Variants in BTBD9 observed in about 807,000 individuals in gnomAD.
BTBD9 encodes the protein BTB domain containing 9.
BTBD9 carries 49 observed loss-of-function variants against 64.3 expected under a neutral mutation model. That is an observed-to-expected ratio of 0.76 (90% CI 0.61 to 0.97). The LOEUF (loss-of-function observed/expected upper bound fraction) is 0.97, where lower values mean the gene tolerates loss of function less well. Among genes scored for constraint, BTBD9 ranks in the 50% least tolerant of loss-of-function variants. The pLI is 0.00. For synonymous variants in BTBD9, 260 were observed against 274.7 expected, an observed-to-expected ratio of 0.95 and a Z score of 0.53; for missense variants, 598 against 762.1, an observed-to-expected ratio of 0.78 and a Z score of 2.53.
Position 38,592,559 on chromosome 6 carries a change from G to C in BTBD9, c.814+17C>G. 1 of 1,612,444 alleles carries C rather than the reference G, an allele frequency of 6.2e-7. No homozygotes were observed. Among genetic ancestry groups the C allele is most frequent in the Middle Eastern group, 1.7e-4 (1 of 6,048 alleles). Reference sequence around the variant, plus strand: ...TACCAAGCTTCTTGGTTGAGTTTAGGATAGACAGGTACTTACTGAGCATGC... The same window carrying C: ...TACCAAGCTTCTTGGTTGAGTTTAGCATAGACAGGTACTTACTGAGCATGC... On this transcript the variant is annotated intron_variant, in intron 4 of 10. Coordinates refer to ENST00000481247, the MANE Select transcript of BTBD9 (RefSeq NM_001099272.2).
chr6:38,597,100 TAA>T (rs1777065141), intron 2 of BTBD9, among the ~76,000 whole-genome samples: 1 of 152,100 alleles, frequency 6.6e-6, no homozygotes, highest in Non-Finnish European at 1.5e-5. Context: ...AGCTACAGAG[TAA>T]ATATTTCCAG....
At chr6:38,581,862 A>C (rs145287634) in intron 4 of BTBD9, among the ~76,000 whole-genome samples, 3 of 152,360 alleles carry the variant, frequency 2.0e-5, no homozygotes, top group African/African-American at 7.2e-5. Flanking sequence ...ATATTTTCAA[A>C]ATATACAGCC....
intron 1 of BTBD9, among the ~76,000 whole-genome samples, chr6:38,614,302 G>A (rs1340823050): frequency 7.9e-5 from 12 of 152,008 alleles, no homozygotes; most frequent in Non-Finnish European, 4.4e-5. Flanking sequence ...TTTTGTTACG[G>A]ACCTGTCTTG....
At chr6:38,613,922 T>C (rs1777702253) in intron 1 of BTBD9, among the ~76,000 whole-genome samples, 1 of 152,180 alleles carries the variant, frequency 6.6e-6, no homozygotes, top group African/African-American at 2.4e-5. Flanking sequence ...GCTATGAGTA[T>C]TCTCTTCCTC....
intron 8 of BTBD9, among the ~76,000 whole-genome samples, chr6:38,280,024 A>G (rs1402589768): frequency 1.3e-5 from 2 of 151,476 alleles, no homozygotes; most frequent in African/African-American, 4.8e-5. Context: ...TTTTTTTGGC[A>G]TTTAACTTTT....
chr6:38,601,958 T>A (rs1194699143), intron 1 of BTBD9, among the ~76,000 whole-genome samples: 1 of 152,182 alleles, frequency 6.6e-6, no homozygotes, highest in Non-Finnish European at 1.5e-5. Context: ...AAAACACATG[T>A]AACATGTAGT....
At chr6:38,238,533 CACG>C (rs915063435) in intron 9 of BTBD9, among the ~76,000 whole-genome samples, 6 of 136,024 alleles carry the variant, frequency 4.4e-5, no homozygotes, top group Non-Finnish European at 7.6e-5. Flanking sequence ...AGTGCAGTGG[CACG>C]ATCTCGGCTC....
At position 38,601,387 on chromosome 6, in the gene BTBD9, T is replaced by C. The variant is rs764024906; in HGVS notation, c.-27-3266A>G. Among the ~76,000 whole-genome samples the C allele has an allele frequency of 5.9e-5, 9 of 152,204 alleles. No individual in the cohort carries two copies. In the South Asian group the frequency reaches 1.2e-3, roughly 21 times the overall value. ...ATGGGATAGTTTACCTACAAAGTGA[T>C]AGTTTCAGTCTACCTATGTGTATTT... On this transcript the variant is annotated intron_variant, in intron 1 of 10. Coordinates refer to ENST00000481247, the MANE Select transcript of BTBD9 (RefSeq NM_001099272.2).
chr6:38,498,265 T>C (rs1027610303), intron 6 of BTBD9, among the ~76,000 whole-genome samples: 2 of 152,136 alleles, frequency 1.3e-5, no homozygotes, highest in African/African-American at 4.8e-5. Context: ...TGGTGAGGTA[T>C]CAAGGATGAG....
chr6:38,422,216 C>T (rs1317521603), intron 6 of BTBD9, among the ~76,000 whole-genome samples: 8 of 152,090 alleles, frequency 5.3e-5, no homozygotes, highest in Middle Eastern at 3.2e-3. Flanking sequence ...TAGTCAAACA[C>T]CCTTTCTGTG....
chr6:38,334,246 CAG>C (rs918829381), intron 7 of BTBD9, among the ~76,000 whole-genome samples: 47 of 152,206 alleles, frequency 3.1e-4, no homozygotes, highest in African/African-American at 1.1e-3. Context: ...TGCATGAACA[CAG>C]AGATTATCTG....
intron 9 of BTBD9, among the ~76,000 whole-genome samples, chr6:38,227,269 T>C (rs1763430400): frequency 6.6e-6 from 1 of 152,252 alleles, no homozygotes; most frequent in Non-Finnish European, 1.5e-5. Context: ...GGTTTGTACT[T>C]TGAGGTCCTG....
chr6:38,225,015 G>A (rs1363962542), intron 9 of BTBD9, among the ~76,000 whole-genome samples: 1 of 152,236 alleles, frequency 6.6e-6, no homozygotes, highest in South Asian at 2.1e-4. Flanking sequence ...GGTAGATGGT[G>A]AATGTGGGTC....
intron 6 of BTBD9, among the ~76,000 whole-genome samples, chr6:38,562,469 C>T (rs1775303652): frequency 6.6e-6 from 1 of 152,054 alleles, no homozygotes; most frequent in Admixed American, 6.5e-5. Flanking sequence ...ACTTCAACTC[C>T]CTATTTATTT....
At chr6:38,365,551 T>G (rs931071184) in intron 6 of BTBD9, among the ~76,000 whole-genome samples, 8 of 152,028 alleles carry the variant, frequency 5.3e-5, no homozygotes, top group Non-Finnish European at 1.0e-4. Flanking sequence ...AGGACCAGCT[T>G]AGGCAACACA....
In BTBD9 at chr6:38,173,929, GCTT is replaced by G. The variant is rs1328605694; in HGVS notation, c.*1053_*1055del. On this transcript the variant is annotated 3_prime_UTR_variant, in exon 11 of 11. Transcript: ENST00000481247. ...CCTTTTGATGAGGATTAGGAGAAAA[GCTT>G]CTTGGAACTGCTATTTTTCAGTCCC... is the stretch of plus-strand genomic sequence containing the variant. 1 of 152,252 alleles carries G rather than the reference GCTT, an allele frequency of 6.6e-6. No individual in the cohort carries two copies. Among genetic ancestry groups the G allele is most frequent in the Non-Finnish European group, 1.5e-5 (1 of 68,056 alleles). 9.4% of individuals were successfully genotyped at this position (152,252 alleles called of 1,614,324 possible).
At chr6:38,564,856 C>T (rs1230525089) in intron 6 of BTBD9, among the ~76,000 whole-genome samples, 1 of 152,074 alleles carries the variant, frequency 6.6e-6, no homozygotes, top group African/African-American at 2.4e-5. Flanking sequence ...TGCACTGCTG[C>T]ACTCCAGCCT....
chr6:38,260,283 T>C (rs1372014134), intron 8 of BTBD9, among the ~76,000 whole-genome samples: 31 of 152,230 alleles, frequency 2.0e-4, no homozygotes, highest in Admixed American at 2.0e-3. Context: ...AATCATTCTC[T>C]TCATTTAACA....
At chr6:38,279,149 G>A (rs781240917) in intron 8 of BTBD9, among the ~76,000 whole-genome samples, 1 of 119,682 alleles carries the variant, frequency 8.4e-6, no homozygotes, top group African/African-American at 3.9e-5. Context: ...AGACAGAGAG[G>A]AGAGGCAAGA....
Sources: allele counts gnomAD v4.1 joint callset (sites outside exome capture counted in the v4.1 genomes callset), GRCh38; gene constraint gnomAD v4.1.1; transcripts MANE v1.5; gene names NCBI Gene and HGNC (gene_info 2026-07-23, HGNC 2026-07-21).